RANBP10: variants seen among roughly 807,000 people sequenced by gnomAD.
RANBP10 encodes the protein RAN binding protein 10.
RANBP10 carries 24 observed loss-of-function variants against 72.8 expected under a neutral mutation model. The ratio of observed to expected loss-of-function variants is 0.33; its 90% CI spans 0.24 to 0.46. The LOEUF (loss-of-function observed/expected upper bound fraction) is 0.46. Among genes scored for constraint, RANBP10 ranks in the 20% least tolerant of loss-of-function variants. The pLI is 1.00. For synonymous variants in RANBP10, 310 were observed against 322.3 expected, an observed-to-expected ratio of 0.96 and a Z score of 0.41; for missense variants, 679 against 817.5, an observed-to-expected ratio of 0.83 and a Z score of 2.07.
chr16:67,727,967 G>C, intron 11 of RANBP10, 71 bp from the exon 12 acceptor site: 1 of 1,552,440 alleles, frequency 6.4e-7, no homozygotes, highest in Non-Finnish European at 8.8e-7. Flanking sequence ...GGGTGGGGCA[G>C]GAAGGACCCC....
intron 3 of RANBP10, among the ~76,000 whole-genome samples, chr16:67,770,932 G>T (rs2054596153): frequency 6.6e-6 from 1 of 151,340 alleles, no homozygotes; most frequent in African/African-American, 2.4e-5. Context: ...CAGCCTGGGT[G>T]AAAAGCGAGA....
chr16:67,778,337 G>A (rs554274515), intron 2 of RANBP10, among the ~76,000 whole-genome samples: 17 of 151,512 alleles, frequency 1.1e-4, no homozygotes, highest in Non-Finnish European at 1.5e-4. Flanking sequence ...CACCAAGAGC[G>A]AAACTCTGTC....
chr16:67,781,319 T>A (rs1444910059), intron 2 of RANBP10, among the ~76,000 whole-genome samples: 2 of 152,204 alleles, frequency 1.3e-5, no homozygotes, highest in Admixed American at 6.5e-5. Flanking sequence ...GAATATTTGC[T>A]TCCTTGTTGG....
At chr16:67,736,215 G>A (rs1225363464) in intron 5 of RANBP10, among the ~76,000 whole-genome samples, 5 of 151,940 alleles carry the variant, frequency 3.3e-5, no homozygotes, top group African/African-American at 1.2e-4. Context: ...AGGCTGGAGT[G>A]CAATGGCGCG....
intron 3 of RANBP10, chr16:67,762,405 G>A (rs182776585): frequency 6.6e-6 from 1 of 152,292 alleles, no homozygotes; most frequent in East Asian, 1.9e-4. Context: ...ATTTACAGAG[G>A]GGGAAAATGA....
chr16:67,795,330 G>A (rs751770279), intron 2 of RANBP10, among the ~76,000 whole-genome samples: 14 of 151,720 alleles, frequency 9.2e-5, no homozygotes, highest in Admixed American at 6.6e-5. Context: ...ACCTAAGGTC[G>A]GGAGTTCAAG....
chr16:67,806,463 C>T lies in RANBP10; in HGVS notation c.74G>A (p.Gly25Asp). Residue 25 changes from glycine (G) to aspartate (D), a missense_variant, in exon 1 of 14, where the codon GGC becomes GAC. Coordinates refer to ENST00000317506, the MANE Select transcript of RANBP10 (RefSeq NM_020850.3). ...CTGCTCCCCAGGGGACGGCAGCCCG[C>T]CCCCAGCGCCCCCGCCGGAGGAGTC... is the stretch of plus-strand genomic sequence containing the variant. ...PGDSSGGGAG[G>D]GLPSPGEQEL... 1.3e-6 allele frequency: 2 copies of T among 1,557,018 alleles called. No individual in the cohort carries two copies. The highest frequency in any genetic ancestry group is 1.7e-6 in the Non-Finnish European group (2 of 1,156,104).
intron 4 of RANBP10, among the ~76,000 whole-genome samples, chr16:67,742,859 G>A (rs1363993061): frequency 6.6e-6 from 1 of 152,218 alleles, no homozygotes; most frequent in African/African-American, 2.4e-5. Context: ...GTGCAGAGTG[G>A]AGAGTGAAGA....
intron 2 of RANBP10, among the ~76,000 whole-genome samples, chr16:67,791,340 A>T (rs1313417509): frequency 2.0e-5 from 3 of 152,032 alleles, no homozygotes; most frequent in Non-Finnish European, 2.9e-5. Context: ...TTTTAGAGGG[A>T]AGGTATATTT....
In RANBP10 at chr16:67,731,614, C is replaced by A. The variant is rs573267042; in HGVS notation, c.777-30G>T. The A allele has an allele frequency of 1.9e-6, 3 of 1,548,570 alleles. No individual in the cohort carries two copies. In the South Asian group the frequency reaches 3.4e-5, roughly 17 times the overall value. On this transcript the variant is annotated intron_variant, in intron 6 of 13. Transcript: ENST00000317506. ...AAGAAAGGAAGAGCTTCAGGTGACA[C>A]TCAAGAACTGCACTTCTCACTGACT...
chr16:67,727,585 G>T, intron 12 of RANBP10, 147 bp from the exon 13 acceptor site: 1 of 1,323,268 alleles, frequency 7.6e-7, no homozygotes, highest in Non-Finnish European at 1.1e-6. Flanking sequence ...TCTCCCCAGA[G>T]CCTAGGTGTG....
At chr16:67,740,116 T>G (rs1011530789) in intron 4 of RANBP10, among the ~76,000 whole-genome samples, 2 of 148,516 alleles carry the variant, frequency 1.3e-5, no homozygotes, top group East Asian at 3.9e-4. Flanking sequence ...TTTTTTTTTT[T>G]CCCTGAGACG....
chr16:67,767,462 A>G lies in RANBP10; in HGVS notation c.400+4572T>C, dbSNP rs924809145. Among the ~76,000 whole-genome samples, 4 of 111,468 alleles carry G rather than the reference A, an allele frequency of 3.6e-5. No individual in the cohort carries two copies. In the East Asian group the frequency reaches 8.3e-4, roughly 23 times the overall value. 73.1% of individuals were successfully genotyped at this position (111,468 alleles called of 152,430 possible). A position where few individuals can be genotyped will look rare whatever the true frequency, so the allele number is the denominator to read the frequency against. Reference sequence around the variant, plus strand: ...ACAGCGAGACCCTGTTTCAAAAAAAAAAAAAAAAAAAAAAAAAAGCCAGGC... The same window carrying G: ...ACAGCGAGACCCTGTTTCAAAAAAAGAAAAAAAAAAAAAAAAAAGCCAGGC... On this transcript the variant is annotated intron_variant, in intron 3 of 13. Transcript: ENST00000317506.
intron 2 of RANBP10, among the ~76,000 whole-genome samples, chr16:67,774,174 A>G (rs1386112459): frequency 6.6e-6 from 1 of 152,234 alleles, no homozygotes; most frequent in East Asian, 1.9e-4. Flanking sequence ...GCTTTCCCTG[A>G]TTTAGACAAC....
chr16:67,767,454 CAAAAAAAAAAAAAAA>C (rs1178049394), intron 3 of RANBP10, among the ~76,000 whole-genome samples: 1 of 64,074 alleles, frequency 1.6e-5, no homozygotes, highest in Non-Finnish European at 3.5e-5. Context: ...GACCCTGTTT[CAAAAAAAAAAAAAAA>C]AAAAAAAAAA....
rs746314851 is a variant in RANBP10, at chr16:67,729,325, G to A, written c.1307C>T (p.Ser436Phe). Reference protein sequence around the residue: ...VNYSESNSTDSTKSQHHSSTS... With the variant: ...VNYSESNSTDFTKSQHHSSTS... ...ACTGCTGTGGTGCTGGGACTTGGTG[G>A]AGTCTGTTGAGTTGGACTCGGAGTA... The change falls in exon 10 of 14, where the codon TCC becomes TTC. Residue 436 changes from serine (S) to phenylalanine (F), a missense_variant. By Grantham distance (155) the Ser-to-Phe change is radical (BLOSUM62 -2). Coordinates refer to ENST00000317506, the MANE Select transcript of RANBP10 (RefSeq NM_020850.3). This position sits in a 1 kb window ranked among gnomAD's most constrained non-coding sequence, Gnocchi z 7.1. 2 of 1,612,342 alleles carry A rather than the reference G, an allele frequency of 1.2e-6. No individual in the cohort carries two copies. The highest frequency in any genetic ancestry group is 1.7e-6 in the Non-Finnish European group (2 of 1,179,278).
intron 5 of RANBP10, among the ~76,000 whole-genome samples, chr16:67,736,759 T>G (rs1334007359): frequency 6.6e-6 from 1 of 152,250 alleles, no homozygotes; most frequent in Non-Finnish European, 1.5e-5. Flanking sequence ...TCCACCTGAT[T>G]CTGTTCTCTT....
chr16:67,784,293 G>A (rs534930521), intron 2 of RANBP10, among the ~76,000 whole-genome samples: 3 of 152,268 alleles, frequency 2.0e-5, no homozygotes, highest in Admixed American at 1.3e-4. Flanking sequence ...AGCCCAAGGC[G>A]GGTGGATCAT....
chr16:67,755,172 G>C (rs76568459), intron 3 of RANBP10, among the ~76,000 whole-genome samples: 2 of 152,158 alleles, frequency 1.3e-5, no homozygotes, highest in African/African-American at 4.8e-5. Flanking sequence ...TTATGCCTGG[G>C]TGAGCAGCCC....
Sources: allele counts gnomAD v4.1 joint callset (sites outside exome capture counted in the v4.1 genomes callset), GRCh38; gene constraint gnomAD v4.1.1; non-coding constraint Gnocchi (gnomAD v3.1); transcripts MANE v1.5; gene names NCBI Gene and HGNC (gene_info 2026-07-23, HGNC 2026-07-21).